Variants in MAPK4 observed in about 807,000 individuals in gnomAD.
The protein encoded by MAPK4 is mitogen-activated protein kinase 4.
In MAPK4, 22 loss-of-function variants were observed where a neutral mutation model predicts 47.7. The observed-to-expected ratio is 0.46, with a 90% confidence interval of 0.33 to 0.66. The LOEUF (loss-of-function observed/expected upper bound fraction) is 0.66. Ranked by LOEUF, MAPK4 falls within the 30% of genes least tolerant of loss-of-function variation. The pLI is 0.02. For synonymous variants in MAPK4, 390 were observed against 365.7 expected, an observed-to-expected ratio of 1.07 and a Z score of -0.76; for missense variants, 736 against 831.7, an observed-to-expected ratio of 0.88 and a Z score of 1.42.
At chr18:50,705,951 T>C (rs1018151885) in intron 2 of MAPK4, 5 of 152,232 alleles carry the variant, frequency 3.3e-5, no homozygotes, top group African/African-American at 1.2e-4. Context: ...GGACTTTGTT[T>C]TGCTCACTGC....
At position 50,710,629 on chromosome 18, in the gene MAPK4, A is replaced by C. The variant is rs577327461; in HGVS notation, c.547-4450A>C. On this transcript the variant is annotated intron_variant, in intron 2 of 5. Transcript: ENST00000400384. Reference sequence around the variant, plus strand: ...CATCTCTACTAAAAATACAAAAAAAAATTAGCCGGGCGTGGTGGCAGGCAC... The same window carrying C: ...CATCTCTACTAAAAATACAAAAAAACATTAGCCGGGCGTGGTGGCAGGCAC... 2.4e-3 allele frequency among the ~76,000 whole-genome samples: 369 copies of C among 151,620 alleles called. 1 individual carries two copies. The highest frequency in any genetic ancestry group is 8.4e-3 in the African/African-American group (348 of 41,268).
intron 1 of MAPK4, among the ~76,000 whole-genome samples, chr18:50,594,203 C>A (rs945749716): frequency 6.6e-6 from 1 of 152,224 alleles, no homozygotes; most frequent in Non-Finnish European, 1.5e-5. Flanking sequence ...TCTAGCCGCG[C>A]TGGCAGCCAA....
chr18:50,711,986 C>T (rs533651760), intron 2 of MAPK4, among the ~76,000 whole-genome samples: 11 of 152,262 alleles, frequency 7.2e-5, no homozygotes, highest in Non-Finnish European at 1.5e-4. Flanking sequence ...GGCCCTGGTC[C>T]ACTGTGTCTG....
chr18:50,600,378 A>G (rs2042524641), intron 1 of MAPK4, among the ~76,000 whole-genome samples: 1 of 152,214 alleles, frequency 6.6e-6, no homozygotes, highest in Non-Finnish European at 1.5e-5. Flanking sequence ...TGATTGGTTG[A>G]AGGCATTCCT....
In MAPK4 at chr18:50,710,175, T is replaced by C. The variant is rs77922029; in HGVS notation, c.547-4904T>C. On this transcript the variant is annotated intron_variant, in intron 2 of 5. Coordinates refer to ENST00000400384, the MANE Select transcript of MAPK4 (RefSeq NM_002747.4). Reference sequence around the variant, plus strand: ...GCTTTTATTCTTGGAGAATGTCATCTCATTTAAATTCACCATACCATACCA... The same window carrying C: ...GCTTTTATTCTTGGAGAATGTCATCCCATTTAAATTCACCATACCATACCA... Among the ~76,000 whole-genome samples the C allele has an allele frequency of 2.4e-3, 371 of 152,266 alleles. 1 individual carries two copies. The highest frequency in any genetic ancestry group is 8.4e-3 in the African/African-American group (350 of 41,552).
chr18:50,572,646 G>A (rs537479479), intron 1 of MAPK4, among the ~76,000 whole-genome samples: 3 of 152,146 alleles, frequency 2.0e-5, no homozygotes, highest in East Asian at 1.9e-4. Context: ...AAAAAAGTCC[G>A]TTGTCTTTTC....
At chr18:50,627,503 G>A (rs975321145) in intron 1 of MAPK4, among the ~76,000 whole-genome samples, 3 of 152,204 alleles carry the variant, frequency 2.0e-5, no homozygotes, top group East Asian at 1.9e-4. Flanking sequence ...AGGCCAAACC[G>A]AGCCTTGAGA....
intron 1 of MAPK4, among the ~76,000 whole-genome samples, chr18:50,626,560 C>T (rs573898423): frequency 6.6e-6 from 1 of 152,274 alleles, no homozygotes; most frequent in Admixed American, 6.5e-5. Flanking sequence ...TCACATGTGG[C>T]CCACTTGCTC....
intron 1 of MAPK4, among the ~76,000 whole-genome samples, chr18:50,579,622 C>T (rs967485963): frequency 1.3e-5 from 2 of 152,240 alleles, no homozygotes; most frequent in Non-Finnish European, 1.5e-5. Context: ...TGAGTCATAG[C>T]CCAGCCACCT....
At chr18:50,665,383 G>C (rs1907540828) in intron 2 of MAPK4, among the ~76,000 whole-genome samples, 1 of 152,248 alleles carries the variant, frequency 6.6e-6, no homozygotes, top group Non-Finnish European at 1.5e-5. Context: ...CCCTGCAACA[G>C]AGCTGGGGGC....
intron 1 of MAPK4, among the ~76,000 whole-genome samples, chr18:50,602,448 C>T (rs1467434735): frequency 6.6e-6 from 1 of 152,120 alleles, no homozygotes; most frequent in Non-Finnish European, 1.5e-5. Flanking sequence ...TCAGAATGAC[C>T]AGCCCTGCCC....
intron 1 of MAPK4, among the ~76,000 whole-genome samples, chr18:50,575,792 CAAAA>C (rs540138636): frequency 0.11 from 7,414 of 70,220 alleles, 220 homozygotes; most frequent in Middle Eastern, 0.14. Context: ...AATCAACAAG[CAAAA>C]AAAAAAAAAA....
intron 2 of MAPK4, among the ~76,000 whole-genome samples, chr18:50,666,434 G>A (rs988021549): frequency 2.6e-5 from 4 of 152,192 alleles, no homozygotes; most frequent in Admixed American, 2.6e-4. Flanking sequence ...AAAATTCCTT[G>A]GAAAGCAGTC....
intron 1 of MAPK4, among the ~76,000 whole-genome samples, chr18:50,584,878 C>T (rs968290818): frequency 4.6e-5 from 7 of 152,208 alleles, no homozygotes; most frequent in Non-Finnish European, 8.8e-5. Flanking sequence ...ATATTGATTA[C>T]AAACTACAAA....
At chr18:50,577,266 A>T (rs899518916) in intron 1 of MAPK4, among the ~76,000 whole-genome samples, 3 of 151,198 alleles carry the variant, frequency 2.0e-5, no homozygotes, top group Admixed American at 6.6e-5. Flanking sequence ...GTTTGCATAC[A>T]CTCCCTACAC....
At chr18:50,584,465 A>G (rs779005515) in intron 1 of MAPK4, among the ~76,000 whole-genome samples, 3 of 152,218 alleles carry the variant, frequency 2.0e-5, no homozygotes, top group African/African-American at 7.2e-5. Flanking sequence ...TCCTCTTTTT[A>G]TAACTTTAGC....
intron 3 of MAPK4, among the ~76,000 whole-genome samples, chr18:50,719,425 C>T (rs1262950562): frequency 6.6e-6 from 1 of 152,154 alleles, no homozygotes; most frequent in Non-Finnish European, 1.5e-5. Context: ...ATTTTTCCAA[C>T]TGAAATTGCA....
At chr18:50,716,012 T>C (rs1295711931) in intron 3 of MAPK4, among the ~76,000 whole-genome samples, 1 of 152,220 alleles carries the variant, frequency 6.6e-6, no homozygotes, top group East Asian at 1.9e-4. Context: ...AGAAAACTCC[T>C]AGTGAACCTT....
rs1026010499 is a variant in MAPK4, at chr18:50,663,798, G to A, written c.-161G>A. ...GCGAGCATGACCATATGCCATTCTCGTCTCCAGAGAGCTGGTGGCAGTGAC... is the reference window on the plus strand; with the variant it reads ...GCGAGCATGACCATATGCCATTCTCATCTCCAGAGAGCTGGTGGCAGTGAC... On this transcript the variant is annotated 5_prime_UTR_variant, in exon 2 of 6. Coordinates refer to ENST00000400384, the MANE Select transcript of MAPK4 (RefSeq NM_002747.4). The A allele has an allele frequency of 3.1e-5, 19 of 618,936 alleles. No homozygotes were observed. The highest frequency in any genetic ancestry group is 2.8e-4 in the African/African-American group (15 of 54,322). 38.3% of individuals were successfully genotyped at this position (618,936 alleles called of 1,614,324 possible).
Sources: allele counts gnomAD v4.1 joint callset (sites outside exome capture counted in the v4.1 genomes callset), GRCh38; gene constraint gnomAD v4.1.1; transcripts MANE v1.5; gene names NCBI Gene and HGNC (gene_info 2026-07-23, HGNC 2026-07-21).